RPS6KA5: variants seen among roughly 807,000 people sequenced by gnomAD.
The protein encoded by RPS6KA5 is ribosomal protein S6 kinase alpha-5.
RPS6KA5 carries 27 observed loss-of-function variants against 85.5 expected under a neutral mutation model. That is an observed-to-expected ratio of 0.32 (90% confidence interval 0.23 to 0.44). RPS6KA5 has a LOEUF of 0.44. Ranked by LOEUF, RPS6KA5 falls within the 20% of genes least tolerant of loss-of-function variation. The pLI, the probability that RPS6KA5 is intolerant of heterozygous loss-of-function variation, is 1.00. For synonymous variants in RPS6KA5, 334 were observed against 348.2 expected (o/e 0.96, Z 0.46); for missense variants, 811 against 980.9 (o/e 0.83, Z 2.31).
intron 2 of RPS6KA5, among the ~76,000 whole-genome samples, chr14:90,986,942 A>G (rs1284578115): frequency 1.3e-5 from 2 of 152,226 alleles, no homozygotes; most frequent in African/African-American, 4.8e-5. Flanking sequence ...AGTAAATCAC[A>G]TAAATCCAAA....
rs888312707 is a variant in RPS6KA5 at position 90,890,769 on chromosome 14, T to G, written c.1645-91A>C. On this transcript the variant is annotated intron_variant, in intron 13 of 16. Transcript: ENST00000614987. ...TATGTAACACTTTGTATATTGATAG[T>G]TGATTCATGTGCAGAGAGGTCTCAT... 7.6e-6 allele frequency: 9 copies of G among 1,186,008 alleles called. No homozygotes were observed. In the African/African-American group the frequency reaches 1.4e-4, roughly 18 times the overall value. The allele number at this position is 1,186,008 out of a possible 1,614,324, so 73.5% of individuals were successfully genotyped here.
At chr14:90,988,984 C>G (rs2040188758) in intron 2 of RPS6KA5, among the ~76,000 whole-genome samples, 1 of 152,110 alleles carries the variant, frequency 6.6e-6, no homozygotes. Flanking sequence ...AAAAATATCA[C>G]TTTAGTTGAA....
rs1183136803 is a variant in RPS6KA5 at position 90,871,420 on chromosome 14, T to C, written c.*654A>G. Reference sequence around the variant, plus strand: ...AAAGAGCAGTGCAAAATTAAAAACATACACATAGCTTAGCATGCATCTCAG... The same window carrying C: ...AAAGAGCAGTGCAAAATTAAAAACACACACATAGCTTAGCATGCATCTCAG... On this transcript the variant is annotated 3_prime_UTR_variant, in exon 17 of 17. Coordinates refer to ENST00000614987, the MANE Select transcript of RPS6KA5 (RefSeq NM_004755.4). The C allele has an allele frequency of 2.6e-5, 4 of 151,902 alleles. No individual in the cohort carries two copies. The highest frequency in any genetic ancestry group is 2.0e-4 in the Admixed American group (3 of 15,234). 9.4% of individuals were successfully genotyped at this position (151,902 alleles called of 1,614,324 possible).
chr14:90,904,181 C>T (rs532160938), intron 8 of RPS6KA5, among the ~76,000 whole-genome samples: 3 of 152,150 alleles, frequency 2.0e-5, no homozygotes, highest in African/African-American at 7.2e-5. Flanking sequence ...GATCTCCTGA[C>T]CTAGTGATCC....
chr14:91,025,336 G>T (rs549180240), intron 1 of RPS6KA5, among the ~76,000 whole-genome samples: 1 of 152,176 alleles, frequency 6.6e-6, no homozygotes, highest in South Asian at 2.1e-4. Flanking sequence ...GAGCCACCAC[G>T]CCCAGTCTCC....
intron 14 of RPS6KA5, among the ~76,000 whole-genome samples, chr14:90,879,958 G>A (rs560014836): frequency 1.3e-5 from 2 of 151,760 alleles, no homozygotes; most frequent in South Asian, 2.1e-4. Flanking sequence ...TAACTTTTGT[G>A]TTTTTAGTAG....
Position 91,001,177 on chromosome 14 carries a change from G to GAAA in RPS6KA5, c.104-21_104-19dup. On this transcript the variant is annotated intron_variant, in intron 1 of 16. Coordinates refer to ENST00000614987, the MANE Select transcript of RPS6KA5 (RefSeq NM_004755.4). ...CAAATTAGCTAAAAGAAAAAAAGAG[G>GAAA]AAAAAAAAAACAAGAGGGTCAGCAA... The GAAA allele has an allele frequency of 7.1e-7, 1 of 1,417,460 alleles. No homozygotes were observed. 87.8% of individuals were successfully genotyped at this position (1,417,460 alleles called of 1,614,324 possible). A position where few individuals can be genotyped will look rare whatever the true frequency, so the allele number is the denominator to read the frequency against.
chr14:90,899,943 C>T (rs538699298), intron 11 of RPS6KA5, among the ~76,000 whole-genome samples, 165 bp downstream of exon 11: 26 of 152,240 alleles, frequency 1.7e-4, no homozygotes, highest in African/African-American at 6.0e-4. Flanking sequence ...CAGAAAATAT[C>T]AATTAGAGCT....
In RPS6KA5 at chr14:90,870,628, C is replaced by A. The variant is rs1307375964; in HGVS notation, c.*1446G>T. 1 of 151,864 alleles carries A rather than the reference C, an allele frequency of 6.6e-6. No homozygotes were observed. The highest frequency in any genetic ancestry group is 1.5e-5 in the Non-Finnish European group (1 of 67,936). 9.4% of individuals were successfully genotyped at this position (151,864 alleles called of 1,614,324 possible). ...GAAAGGAATAAATAAATATCATGTC[C>A]AAATTCCAAACTAATGCTCAAAAGG... On this transcript the variant is annotated 3_prime_UTR_variant, in exon 17 of 17. Transcript: ENST00000614987.
rs187476542 is a variant in RPS6KA5 at position 90,949,313 on chromosome 14, C to T, written c.395-1763G>A. ...TCAATCATCTCTTCTTCTATGGCCA[C>T]TCCAGTAGAGCTGATTACTTTCTTC... is the stretch of plus-strand genomic sequence containing the variant. On this transcript the variant is annotated intron_variant, in intron 3 of 16. Transcript: ENST00000614987. 7.3e-4 allele frequency among the ~76,000 whole-genome samples: 111 copies of T among 152,350 alleles called. 1 individual carries two copies. The highest frequency in any genetic ancestry group is 2.4e-3 in the African/African-American group (101 of 41,596).
rs1257342087 is a variant in RPS6KA5, at chr14:90,978,279, A to G, written c.394+27T>C. On this transcript the variant is annotated intron_variant, in intron 3 of 16. Coordinates refer to ENST00000614987, the MANE Select transcript of RPS6KA5 (RefSeq NM_004755.4). ...AGACCCAAAGAAAAGTGTTTTCATAAAAAGTCTGATAACAACTGACACTTA... is the reference window on the plus strand; with the variant it reads ...AGACCCAAAGAAAAGTGTTTTCATAGAAAGTCTGATAACAACTGACACTTA... 6.5e-6 allele frequency: 10 copies of G among 1,539,914 alleles called. No homozygotes were observed. The Admixed American group carries it at 2.0e-4, about 31-fold the overall frequency.
chr14:91,014,810 C>T (rs1187113042), intron 1 of RPS6KA5, among the ~76,000 whole-genome samples: 5 of 151,904 alleles, frequency 3.3e-5, no homozygotes, highest in African/African-American at 1.2e-4. Flanking sequence ...TACATATTTG[C>T]TTTAATAATG....
intron 1 of RPS6KA5, among the ~76,000 whole-genome samples, chr14:91,048,326 T>C (rs1438822028): frequency 6.6e-6 from 1 of 152,162 alleles, no homozygotes; most frequent in Non-Finnish European, 1.5e-5. Flanking sequence ...AAAAATATTA[T>C]TTACGCAGTT....
At chr14:90,917,128 G>A (rs551560646) in intron 7 of RPS6KA5, among the ~76,000 whole-genome samples, 2 of 152,152 alleles carry the variant, frequency 1.3e-5, no homozygotes, top group Admixed American at 6.5e-5. Flanking sequence ...TTCTCAGGAC[G>A]GTGGCCACAG....
chr14:90,908,390 C>T (rs1460573110), intron 7 of RPS6KA5, among the ~76,000 whole-genome samples: 2 of 152,204 alleles, frequency 1.3e-5, no homozygotes, highest in East Asian at 1.9e-4. Context: ...CTAAACCCCT[C>T]CCATTCCTGA....
intron 14 of RPS6KA5, among the ~76,000 whole-genome samples, chr14:90,885,768 A>AAAAAAAAAAAAG: frequency 1.4e-5 from 2 of 140,072 alleles, no homozygotes; most frequent in African/African-American, 5.3e-5. Context: ...AAAAAAAAAA[A>AAAAAAAAAAAAG]AAAAAGAAAA....
chr14:90,947,273 T>C (rs1330608480), intron 4 of RPS6KA5, among the ~76,000 whole-genome samples, 162 bp downstream of exon 4: 1 of 152,224 alleles, frequency 6.6e-6, no homozygotes, highest in East Asian at 1.9e-4. Flanking sequence ...GTAGATTTTT[T>C]CAAACGGAAT....
chr14:90,902,173 C>A (rs935763046), intron 9 of RPS6KA5, among the ~76,000 whole-genome samples: 8 of 149,282 alleles, frequency 5.4e-5, no homozygotes, highest in African/African-American at 7.4e-5. Context: ...CAGAGTGAGA[C>A]CTTGTTTCTT....
intron 3 of RPS6KA5, among the ~76,000 whole-genome samples, chr14:90,970,059 C>T (rs971688142): frequency 3.9e-5 from 6 of 152,118 alleles, no homozygotes; most frequent in African/African-American, 1.4e-4. Flanking sequence ...ATAGTCTTAA[C>T]GTGACATGCC....
Sources: allele counts gnomAD v4.1 joint callset (sites outside exome capture counted in the v4.1 genomes callset), GRCh38; gene constraint gnomAD v4.1.1; transcripts MANE v1.5; gene names NCBI Gene and HGNC (gene_info 2026-07-23, HGNC 2026-07-21).